The following JPH1 variants were observed in gnomAD, a reference collection of about 807,000 sequenced individuals.
The protein encoded by JPH1 is junctophilin 1.
In JPH1, 12 loss-of-function variants were observed where a neutral mutation model predicts 53.6. The observed-to-expected ratio is 0.22, with a 90% CI of 0.14 to 0.36. JPH1 has a LOEUF of 0.36. JPH1 is among the 10% of genes least tolerant of loss of function. The pLI, the probability that JPH1 is intolerant of heterozygous loss-of-function variation, is 1.00. For synonymous variants in JPH1, 375 were observed against 363.8 expected (o/e 1.03, Z -0.35); for missense variants, 808 against 905.5 (o/e 0.89, Z 1.38).
intron 2 of JPH1, among the ~76,000 whole-genome samples, chr8:74,264,973 G>A (rs990971698): frequency 6.6e-6 from 1 of 152,056 alleles, no homozygotes; most frequent in Non-Finnish European, 1.5e-5. Context: ...TTTTGTTAAG[G>A]CTACCTAGAA....
At chr8:74,290,212 G>GTAT (rs1807283776) in intron 2 of JPH1, among the ~76,000 whole-genome samples, 1 of 152,186 alleles carries the variant, frequency 6.6e-6, no homozygotes, top group Non-Finnish European at 1.5e-5. Flanking sequence ...GTTTGCAGAT[G>GTAT]ACATGATTGT....
At chr8:74,256,645 A>G (rs1806247670) in intron 3 of JPH1, among the ~76,000 whole-genome samples, 1 of 152,222 alleles carries the variant, frequency 6.6e-6, no homozygotes, top group Non-Finnish European at 1.5e-5. Flanking sequence ...TGCAGCCAAA[A>G]GACACATGGA....
chr8:74,254,002 C>T (rs1370628998), intron 3 of JPH1, among the ~76,000 whole-genome samples: 9 of 150,220 alleles, frequency 6.0e-5, no homozygotes, highest in South Asian at 2.1e-4. Flanking sequence ...GAAACCATTC[C>T]AATCAATAGA....
intron 4 of JPH1, among the ~76,000 whole-genome samples, chr8:74,243,860 C>T (rs555979330): frequency 1.3e-5 from 2 of 152,284 alleles, no homozygotes; most frequent in South Asian, 2.1e-4. Flanking sequence ...ATGCTTAAGA[C>T]TAATTGATAC....
chr8:74,242,378 T>C (rs1457952837), intron 4 of JPH1, among the ~76,000 whole-genome samples: 5 of 152,190 alleles, frequency 3.3e-5, no homozygotes, highest in Admixed American at 6.5e-5. Context: ...AACCCTGTGA[T>C]AGGTACAGAT....
intron 2 of JPH1, among the ~76,000 whole-genome samples, chr8:74,278,404 G>A (rs1806911858): frequency 6.6e-6 from 1 of 152,192 alleles, no homozygotes; most frequent in African/African-American, 2.4e-5. Context: ...TCAAGCAGGG[G>A]AAGTGGAAGA....
intron 2 of JPH1, among the ~76,000 whole-genome samples, chr8:74,278,205 A>G (rs1306766733): frequency 1.3e-5 from 2 of 152,096 alleles, no homozygotes; most frequent in Non-Finnish European, 2.9e-5. Context: ...GTCTCATGAG[A>G]TCTGATGGTT....
intron 4 of JPH1, among the ~76,000 whole-genome samples, chr8:74,238,453 T>A (rs560002960): frequency 6.6e-6 from 1 of 152,282 alleles, no homozygotes; most frequent in East Asian, 1.9e-4. Flanking sequence ...TCTTTCTCTA[T>A]CACAAGGCGT....
At position 74,314,120 on chromosome 8, in the gene JPH1, T is replaced by C. The variant is rs1022531052; in HGVS notation, c.1139+741A>G. On this transcript the variant is annotated intron_variant, in intron 2 of 5. Coordinates refer to ENST00000342232, the MANE Select transcript of JPH1 (RefSeq NM_020647.4). ...TCTTCTTTCTTCCAACCTTGGCACA[T>C]TGAGAGTCCCATCTGTCCATGTCAG... Among the ~76,000 whole-genome samples, 5 of 152,220 alleles carry C rather than the reference T, an allele frequency of 3.3e-5. No individual in the cohort carries two copies. The South Asian group carries it at 6.2e-4, about 19-fold the overall frequency.
chr8:74,294,454 G>A (rs986921245), intron 2 of JPH1, among the ~76,000 whole-genome samples: 2 of 152,132 alleles, frequency 1.3e-5, no homozygotes, highest in Non-Finnish European at 2.9e-5. Context: ...CCTGATTCAC[G>A]TACTACCAAG....
chr8:74,238,640 A>G (rs1444433014), intron 4 of JPH1, among the ~76,000 whole-genome samples: 1 of 152,106 alleles, frequency 6.6e-6, no homozygotes, highest in Non-Finnish European at 1.5e-5. Context: ...CTTCCAGCAC[A>G]TTTCCAAGTG....
intron 2 of JPH1, among the ~76,000 whole-genome samples, chr8:74,301,977 G>T (rs1807695994): frequency 6.6e-6 from 1 of 152,332 alleles, no homozygotes; most frequent in South Asian, 2.1e-4. Flanking sequence ...CAGTGGAGGG[G>T]AAGGGCTTGG....
At chr8:74,251,639 T>G (rs1392057369) in intron 3 of JPH1, among the ~76,000 whole-genome samples, 2 of 152,206 alleles carry the variant, frequency 1.3e-5, no homozygotes, top group East Asian at 1.9e-4. Context: ...AAAATTTTTT[T>G]GATTAATCTA....
At chr8:74,241,031 A>G (rs1253094782) in intron 4 of JPH1, among the ~76,000 whole-genome samples, 3 of 152,210 alleles carry the variant, frequency 2.0e-5, no homozygotes, top group African/African-American at 7.2e-5. Context: ...CTTTATCCAA[A>G]ATGAAAAATA....
chr8:74,239,676 A>G (rs1004974044), intron 4 of JPH1, among the ~76,000 whole-genome samples: 1 of 152,194 alleles, frequency 6.6e-6, no homozygotes, highest in African/African-American at 2.4e-5. Flanking sequence ...CCTTATCTGA[A>G]ACACTTGGGA....
chr8:74,290,591 A>C (rs1047775686), intron 2 of JPH1, among the ~76,000 whole-genome samples: 5 of 152,220 alleles, frequency 3.3e-5, no homozygotes, highest in Admixed American at 6.5e-5. Context: ...ATCCCCATCA[A>C]GCTACCAATG....
chr8:74,256,194 G>A (rs374646954), intron 3 of JPH1, among the ~76,000 whole-genome samples: 15 of 151,930 alleles, frequency 9.9e-5, no homozygotes, highest in East Asian at 3.9e-4. Flanking sequence ...CATATACACC[G>A]TGGAATACTA....
At chr8:74,296,795 T>C (rs1026453409) in intron 2 of JPH1, among the ~76,000 whole-genome samples, 4 of 152,224 alleles carry the variant, frequency 2.6e-5, no homozygotes, top group Admixed American at 1.3e-4. Flanking sequence ...CGTGATGCTT[T>C]GATATATGGA....
chr8:74,253,745 T>C (rs1020542299), intron 3 of JPH1, among the ~76,000 whole-genome samples: 4 of 151,978 alleles, frequency 2.6e-5, no homozygotes, highest in African/African-American at 9.7e-5. Flanking sequence ...CAAACTACCA[T>C]CAGAGAATAC....
Sources: allele counts gnomAD v4.1 joint callset (sites outside exome capture counted in the v4.1 genomes callset), GRCh38; gene constraint gnomAD v4.1.1; transcripts MANE v1.5; gene names NCBI Gene and HGNC (gene_info 2026-07-23, HGNC 2026-07-21).